NELL1: variants seen among roughly 807,000 people sequenced by gnomAD.
NELL1 encodes the protein neural EGFL like 1.
Under a neutral mutation model 107.4 loss-of-function variants are expected in NELL1, and 76 were observed. That is an observed-to-expected ratio of 0.71 (90% CI 0.59 to 0.86). The LOEUF (loss-of-function observed/expected upper bound fraction) is 0.86, where lower values mean the gene tolerates loss of function less well. Ranked by LOEUF, NELL1 falls within the 40% of genes least tolerant of loss-of-function variation. NELL1 has a pLI of 0.00. For missense variants in NELL1, 1,024 were observed against 1,005.5 expected (o/e 1.02, Z -0.25); for synonymous variants, 353 against 341.2 (o/e 1.03, Z -0.38).
intron 14 of NELL1, among the ~76,000 whole-genome samples, chr11:21,366,312 C>T (rs1303251833): frequency 1.3e-5 from 2 of 152,022 alleles, no homozygotes; most frequent in Non-Finnish European, 2.9e-5. Context: ...TCAGCTCATT[C>T]TCAAGAAAGA....
chr11:21,440,730 A>C (rs1373324359), intron 15 of NELL1, among the ~76,000 whole-genome samples: 1 of 152,168 alleles, frequency 6.6e-6, no homozygotes, highest in African/African-American at 2.4e-5. Flanking sequence ...GGAGGCAGTG[A>C]CAATCAGCAC....
At chr11:21,423,491 A>G (rs1852744412) in intron 15 of NELL1, among the ~76,000 whole-genome samples, 1 of 152,186 alleles carries the variant, frequency 6.6e-6, no homozygotes, top group African/African-American at 2.4e-5. Flanking sequence ...AACAAAAGTG[A>G]CAGAATTATA....
intron 3 of NELL1, among the ~76,000 whole-genome samples, chr11:20,819,466 G>A (rs561207114): frequency 6.6e-6 from 1 of 152,296 alleles, no homozygotes; most frequent in Admixed American, 6.5e-5. Flanking sequence ...TGCCCACTTG[G>A]GCCTGTGGTC....
intron 2 of NELL1, among the ~76,000 whole-genome samples, chr11:20,750,868 G>A (rs933249248): frequency 9.9e-5 from 15 of 152,124 alleles, no homozygotes; most frequent in African/African-American, 2.9e-4. Flanking sequence ...GATTACAGGC[G>A]TGAGACACCA....
chr11:21,381,136 G>C (rs868299242), intron 15 of NELL1, among the ~76,000 whole-genome samples: 3 of 151,958 alleles, frequency 2.0e-5, no homozygotes, highest in Non-Finnish European at 4.4e-5. Flanking sequence ...TGATCATTTT[G>C]TCTGTGCCCA....
At chr11:21,356,668 ATT>A (rs1244133740) in intron 14 of NELL1, among the ~76,000 whole-genome samples, 1 of 152,186 alleles carries the variant, frequency 6.6e-6, no homozygotes, top group East Asian at 1.9e-4. Context: ...TAATTTGTTT[ATT>A]AAAATAGTTT....
At chr11:20,674,954 A>G (rs145694879) in intron 1 of NELL1, among the ~76,000 whole-genome samples, 151 of 152,316 alleles carry the variant, frequency 9.9e-4, no homozygotes, top group African/African-American at 3.5e-3. Flanking sequence ...TCAGTGGCTT[A>G]AAGCAAACCA....
intron 12 of NELL1, among the ~76,000 whole-genome samples, chr11:21,106,187 A>G (rs1854963412): frequency 6.6e-6 from 1 of 151,906 alleles, no homozygotes; most frequent in Non-Finnish European, 1.5e-5. Flanking sequence ...CTAGCCCACA[A>G]TTCCTGAGAG....
intron 14 of NELL1, among the ~76,000 whole-genome samples, chr11:21,276,833 C>T (rs1255815774): frequency 6.6e-6 from 1 of 152,226 alleles, no homozygotes; most frequent in African/African-American, 2.4e-5. Context: ...GCTGGGGAAA[C>T]TGGCTAGCCA....
intron 15 of NELL1, among the ~76,000 whole-genome samples, chr11:21,522,245 A>AC (rs548507909): frequency 6.6e-6 from 1 of 152,068 alleles, no homozygotes; most frequent in Admixed American, 6.5e-5. Flanking sequence ...AAAAAAAAAA[A>AC]AACAAACAAA....
chr11:21,473,601 C>T (rs1438390544), intron 15 of NELL1, among the ~76,000 whole-genome samples: 1 of 151,996 alleles, frequency 6.6e-6, no homozygotes, highest in South Asian at 2.1e-4. Flanking sequence ...TCCCTCAGAA[C>T]AGAGATAACT....
intron 13 of NELL1, among the ~76,000 whole-genome samples, chr11:21,178,491 G>A (rs1020799768): frequency 1.3e-5 from 2 of 151,688 alleles, no homozygotes; most frequent in African/African-American, 4.9e-5. Flanking sequence ...CTTTGGGTGG[G>A]AATCGTAGCT....
At chr11:21,334,920 G>C (rs1461874914) in intron 14 of NELL1, among the ~76,000 whole-genome samples, 1 of 151,892 alleles carries the variant, frequency 6.6e-6, no homozygotes, top group Non-Finnish European at 1.5e-5. Context: ...ATGCCTAGCT[G>C]TCCCAGAGCA....
chr11:21,107,031 C>T (rs948202535), intron 12 of NELL1, among the ~76,000 whole-genome samples: 3 of 152,252 alleles, frequency 2.0e-5, no homozygotes, highest in Non-Finnish European at 2.9e-5. Context: ...GTTCTACGCT[C>T]ATAGCAAAAC....
At chr11:21,558,497 A>T (rs1011886236) in intron 16 of NELL1, among the ~76,000 whole-genome samples, 2 of 151,948 alleles carry the variant, frequency 1.3e-5, no homozygotes, top group African/African-American at 2.4e-5. Context: ...TACAGTCATC[A>T]TGTTTGACAA....
rs138856686 is a variant in NELL1 at position 21,285,549 on chromosome 11, A to G, written c.1549+56095A>G. Reference sequence around the variant, plus strand: ...CTTATTTATGACCTTTACGTTAGGAATTTTCTCCAGTGTTCTGTTTCACAC... The same window carrying G: ...CTTATTTATGACCTTTACGTTAGGAGTTTTCTCCAGTGTTCTGTTTCACAC... On this transcript the variant is annotated intron_variant, in intron 14 of 19. Transcript: ENST00000357134. Among the ~76,000 whole-genome samples the G allele has an allele frequency of 4.5e-3, 681 of 152,224 alleles. 7 individuals carry two copies. Among genetic ancestry groups the G allele is most frequent in the African/African-American group, 0.016 (646 of 41,526 alleles).
At chr11:20,976,728 A>G (rs1416522149) in intron 12 of NELL1, among the ~76,000 whole-genome samples, 1 of 152,162 alleles carries the variant, frequency 6.6e-6, no homozygotes, top group Non-Finnish European at 1.5e-5. Flanking sequence ...AATTCTGTGG[A>G]TCATATTTTC....
At chr11:20,810,863 TA>T (rs1047380368) in intron 3 of NELL1, among the ~76,000 whole-genome samples, 1 of 151,908 alleles carries the variant, frequency 6.6e-6, no homozygotes, top group Admixed American at 6.6e-5. Flanking sequence ...GTTTTTTTTT[TA>T]AATGAGTTTT....
At chr11:21,557,567 C>A (rs780811181) in intron 16 of NELL1, among the ~76,000 whole-genome samples, 2 of 151,978 alleles carry the variant, frequency 1.3e-5, no homozygotes, top group Non-Finnish European at 2.9e-5. Flanking sequence ...TTTGTTAATG[C>A]TTCCTCTGCC....
Sources: gnomAD v4.1 joint callset for allele counts (sites outside exome capture counted in the v4.1 genomes callset) on GRCh38, gnomAD v4.1.1 for gene constraint, MANE v1.5 for transcripts, NCBI Gene and HGNC (gene_info 2026-07-23, HGNC 2026-07-21) for gene names.